The following ADAM22 variants were observed in gnomAD, a reference collection of about 807,000 sequenced individuals.
ADAM22 encodes the protein disintegrin and metalloproteinase domain-containing protein 22.
Under a neutral mutation model 144.6 loss-of-function variants are expected in ADAM22, and 65 were observed. The ratio of observed to expected loss-of-function variants is 0.45; its 90% CI spans 0.37 to 0.55. The LOEUF (loss-of-function observed/expected upper bound fraction) is 0.55, where lower values mean the gene tolerates loss of function less well. ADAM22 is among the 20% of genes least tolerant of loss of function. The pLI, the probability that ADAM22 is intolerant of heterozygous loss-of-function variation, is 0.00. For missense variants in ADAM22, 974 were observed against 1,184.9 expected (o/e 0.82, Z 2.61); for synonymous variants, 391 against 412.6 (o/e 0.95, Z 0.63).
At chr7:88,153,780 C>G (rs1040936075) in intron 21 of ADAM22, among the ~76,000 whole-genome samples, 1 of 152,170 alleles carries the variant, frequency 6.6e-6, no homozygotes, top group Non-Finnish European at 1.5e-5. Context: ...CCATTCTTCC[C>G]TTTGCTTTGC....
intron 3 of ADAM22, among the ~76,000 whole-genome samples, chr7:88,047,077 A>T (rs766102702): frequency 6.6e-6 from 1 of 152,182 alleles, no homozygotes; most frequent in Admixed American, 6.5e-5. Flanking sequence ...GTCTTCAGGC[A>T]TCTATTTCCT....
At chr7:87,950,626 T>G (rs1293490551) in intron 2 of ADAM22, among the ~76,000 whole-genome samples, 1 of 149,160 alleles carries the variant, frequency 6.7e-6, no homozygotes, top group African/African-American at 2.5e-5. Context: ...TATAGCAGCA[T>G]GATTTATAGT....
intron 4 of ADAM22, among the ~76,000 whole-genome samples, chr7:88,083,476 C>A (rs932711279): frequency 6.6e-6 from 1 of 151,990 alleles, no homozygotes; most frequent in African/African-American, 2.4e-5. Flanking sequence ...TACCCTAAAA[C>A]TTAAAGTATA....
In ADAM22 at chr7:87,950,342, T is replaced by G. The variant is rs569935287; in HGVS notation, c.246+15156T>G. Reference sequence around the variant, plus strand: ...TGTGATGTTCCCCTTCCTGTGTCCATGTATTCTCATTGTTCAATTCCCATC... The same window carrying G: ...TGTGATGTTCCCCTTCCTGTGTCCAGGTATTCTCATTGTTCAATTCCCATC... On this transcript the variant is annotated intron_variant, in intron 2 of 31. Transcript: ENST00000413139. 9.8e-4 allele frequency among the ~76,000 whole-genome samples: 134 copies of G among 136,288 alleles called. 1 individual carries two copies. The highest frequency in any genetic ancestry group is 1.8e-3 in the Non-Finnish European group (115 of 65,434). 89.4% of individuals were successfully genotyped at this position (136,288 alleles called of 152,430 possible).
chr7:87,956,853 A>G (rs1186606871), intron 2 of ADAM22, among the ~76,000 whole-genome samples: 1 of 152,190 alleles, frequency 6.6e-6, no homozygotes, highest in Non-Finnish European at 1.5e-5. Context: ...TTCTTTGGCT[A>G]TTTAAAATAA....
chr7:88,038,604 A>G (rs6948640), intron 3 of ADAM22, among the ~76,000 whole-genome samples: 66,713 of 150,808 alleles, frequency 0.44, 15,182 homozygotes, highest in East Asian at 0.59. Context: ...ACAGGCGCGC[A>G]CCACCATGCC....
chr7:88,130,282 T>G, intron 9 of ADAM22, 106 bp from the exon 10 acceptor site: 4 of 835,230 alleles, frequency 4.8e-6, no homozygotes, highest in Non-Finnish European at 7.3e-6. Flanking sequence ...GATTTTTTTT[T>G]TTTTTACATT....
chr7:88,041,547 T>G (rs1197981561), intron 3 of ADAM22, among the ~76,000 whole-genome samples: 2 of 152,028 alleles, frequency 1.3e-5, no homozygotes, highest in East Asian at 3.8e-4. Context: ...TACCTCTTTG[T>G]AAACATTTCC....
At chr7:88,192,514 G>C (rs1849841148) in intron 30 of ADAM22, among the ~76,000 whole-genome samples, 1 of 152,112 alleles carries the variant, frequency 6.6e-6, no homozygotes, top group African/African-American at 2.4e-5. Flanking sequence ...GTTCTCATCA[G>C]ACTTTGTTTG....
intron 2 of ADAM22, among the ~76,000 whole-genome samples, chr7:87,942,859 A>C (rs1057465671): frequency 6.6e-6 from 1 of 152,152 alleles, no homozygotes; most frequent in African/African-American, 2.4e-5. Context: ...ATTAATTGCT[A>C]AGCAGGGATC....
chr7:88,153,220 G>A lies in ADAM22; in HGVS notation c.1682-1G>A. The A allele has an allele frequency of 1.2e-6, 2 of 1,611,734 alleles. No homozygotes were observed. The highest frequency in any genetic ancestry group is 1.7e-6 in the Non-Finnish European group (2 of 1,178,964). ...TGATAGAAAATTTTTTTCTGCCTTA[G>A]AGGTGACAGCATCAGACAAATATTG... On this transcript the variant is annotated splice_acceptor_variant, in intron 20 of 31. Transcript: ENST00000413139. LOFTEE classifies it high-confidence loss of function.
chr7:88,173,075 G>A (rs1410758660), intron 26 of ADAM22, among the ~76,000 whole-genome samples: 1 of 152,018 alleles, frequency 6.6e-6, no homozygotes, highest in Non-Finnish European at 1.5e-5. Flanking sequence ...CTAGCACAGT[G>A]CTCTAAGATG....
Position 88,054,588 on chromosome 7 carries a change from C to CTGTGTGTGTGTGTGTGTG in ADAM22, c.324-21011_324-20994dup, listed in dbSNP as rs58027941. Among the ~76,000 whole-genome samples the CTGTGTGTGTGTGTGTGTG allele has an allele frequency of 1.3e-3, 173 of 132,280 alleles. 5 individuals are homozygous for CTGTGTGTGTGTGTGTGTG. The highest frequency in any genetic ancestry group is 3.8e-3 in the Middle Eastern group (1 of 266). 86.8% of individuals were successfully genotyped at this position (132,280 alleles called of 152,430 possible). A position where few individuals can be genotyped will look rare whatever the true frequency, so the allele number is the denominator to read the frequency against. ...TTTCCAGGCCTGATTAGGTGCCCTC[C>CTGTGTGTGTGTGTGTGTG]TGTGTGTGTGTGTGTGTGTGTGTGT... On this transcript the variant is annotated intron_variant, in intron 3 of 31. Coordinates refer to ENST00000413139, the MANE Select transcript of ADAM22 (RefSeq NM_001324418.2).
chr7:87,958,273 A>T (rs1031520482), intron 2 of ADAM22, among the ~76,000 whole-genome samples: 4 of 152,234 alleles, frequency 2.6e-5, no homozygotes, highest in Non-Finnish European at 4.4e-5. Context: ...GCCAAATCAA[A>T]TAGTGATACA....
At chr7:87,994,408 G>A (rs1235958091) in intron 3 of ADAM22, among the ~76,000 whole-genome samples, 4 of 152,060 alleles carry the variant, frequency 2.6e-5, no homozygotes, top group Admixed American at 6.5e-5. Context: ...TGATCCGCCC[G>A]CCTCGGCCTC....
chr7:88,096,837 C>T (rs1407862904), intron 4 of ADAM22, among the ~76,000 whole-genome samples: 1 of 152,084 alleles, frequency 6.6e-6, no homozygotes, highest in Non-Finnish European at 1.5e-5. Context: ...AGTGAATGAT[C>T]AGCTTATTCT....
chr7:87,970,073 A>G (rs896494103), intron 2 of ADAM22, among the ~76,000 whole-genome samples: 19 of 152,334 alleles, frequency 1.2e-4, no homozygotes, highest in Admixed American at 7.8e-4. Context: ...CACAAAATTA[A>G]TCCCATATCT....
intron 2 of ADAM22, among the ~76,000 whole-genome samples, chr7:87,936,271 C>G (rs1015873957): frequency 6.6e-6 from 1 of 151,496 alleles, no homozygotes; most frequent in Non-Finnish European, 1.5e-5. Context: ...TAATATCCAT[C>G]AAAGATTATT....
chr7:87,949,634 T>C (rs1844547911), intron 2 of ADAM22, among the ~76,000 whole-genome samples: 1 of 152,172 alleles, frequency 6.6e-6, no homozygotes, highest in Admixed American at 6.5e-5. Context: ...GGATTTCCCT[T>C]ACTATTTATT....
Sources: gnomAD v4.1 joint callset for allele counts (sites outside exome capture counted in the v4.1 genomes callset) on GRCh38, gnomAD v4.1.1 for gene constraint, MANE v1.5 for transcripts, NCBI Gene and HGNC (gene_info 2026-07-23, HGNC 2026-07-21) for gene names.